LRRC37A2: variants seen among roughly 807,000 people sequenced by gnomAD.
LRRC37A2 encodes leucine-rich repeat-containing protein 37A2.
A neutral mutation model predicts 68.8 loss-of-function variants in LRRC37A2; 9 were observed. That is an observed-to-expected ratio of 0.13 (90% CI 0.08 to 0.23). LRRC37A2 has a LOEUF of 0.23. Among genes scored for constraint, LRRC37A2 ranks in the 10% least tolerant of loss-of-function variants. The pLI, the probability that LRRC37A2 is intolerant of heterozygous loss-of-function variation, is 1.00. For missense variants in LRRC37A2, 168 were observed against 950.4 expected, an observed-to-expected ratio of 0.18 and a Z score of 10.82; for synonymous variants, 63 against 367.6, an observed-to-expected ratio of 0.17 and a Z score of 9.48.
the LRRC37A2 span, among the ~76,000 whole-genome samples, chr17:46,772,967 GC>G: frequency 6.6e-6 from 1 of 151,698 alleles, no homozygotes; most frequent in Non-Finnish European, 1.5e-5. Flanking sequence ...TCCACAAAGA[GC>G]TGCCCATCTT....
At chr17:46,816,516 CCT>C in the LRRC37A2 span, among the ~76,000 whole-genome samples, 1 of 144,904 alleles carries the variant, frequency 6.9e-6, no homozygotes, top group Non-Finnish European at 1.5e-5. Flanking sequence ...CACACACACA[CCT>C]CTCTCCTTGG....
At chr17:46,977,196 C>T in the LRRC37A2 span, among the ~76,000 whole-genome samples, 3 of 152,196 alleles carry the variant, frequency 2.0e-5, no homozygotes, top group Admixed American at 1.3e-4. Context: ...GCCAAATACA[C>T]GGGATCGCAT....
chr17:46,589,047 A>AAAAC, the LRRC37A2 span, among the ~76,000 whole-genome samples: 1 of 92,708 alleles, frequency 1.1e-5, no homozygotes, highest in Non-Finnish European at 1.8e-5. Context: ...CTGCGTCTCA[A>AAAAC]AAACAAACAA....
chr17:46,685,115 C>T, the LRRC37A2 span, among the ~76,000 whole-genome samples: 3 of 135,610 alleles, frequency 2.2e-5, no homozygotes, highest in Non-Finnish European at 4.7e-5. Context: ...TTGGGTCTAA[C>T]GGACCCTAAT....
chr17:46,744,065 C>A, the LRRC37A2 span, among the ~76,000 whole-genome samples: 1 of 152,122 alleles, frequency 6.6e-6, no homozygotes, highest in South Asian at 2.1e-4. Flanking sequence ...TCCTAGATAA[C>A]CCCCCTCCAG....
the LRRC37A2 span, among the ~76,000 whole-genome samples, chr17:46,877,764 C>T: frequency 6.6e-6 from 1 of 152,316 alleles, no homozygotes; most frequent in Non-Finnish European, 1.5e-5. Flanking sequence ...GGCTCACGAG[C>T]TATGACTTGA....
At chr17:46,558,941 G>A (rs1426181480), downstream of LRRC37A2, 4 of 102,956 alleles carry the variant, frequency 3.9e-5, no homozygotes, top group African/African-American at 4.4e-5. Flanking sequence ...GTCTCTCAAC[G>A]TACTGGGATT....
chr17:46,774,295 C>T, the LRRC37A2 span, among the ~76,000 whole-genome samples: 1 of 152,260 alleles, frequency 6.6e-6, no homozygotes. Flanking sequence ...TGGGCAATTT[C>T]CAAGGCAGTC....
the LRRC37A2 span, among the ~76,000 whole-genome samples, chr17:46,860,716 G>C: frequency 1.3e-5 from 2 of 152,184 alleles, no homozygotes; most frequent in Non-Finnish European, 2.9e-5. Context: ...CTTCTTCTCT[G>C]TGCCTGTATC....
At chr17:46,597,663 G>T in the LRRC37A2 span, among the ~76,000 whole-genome samples, 1 of 53,094 alleles carries the variant, frequency 1.9e-5, no homozygotes, top group Admixed American at 2.3e-4. Flanking sequence ...GTTAGCTCTG[G>T]GTTTGTTGTG....
the LRRC37A2 span, among the ~76,000 whole-genome samples, chr17:47,033,746 T>C: frequency 6.4e-4 from 98 of 152,350 alleles, no homozygotes; most frequent in African/African-American, 2.2e-3. Flanking sequence ...AGGCAAGAAA[T>C]GTTCCCTTAT....
the LRRC37A2 span, among the ~76,000 whole-genome samples, chr17:46,901,933 G>C: frequency 6.6e-6 from 1 of 150,962 alleles, no homozygotes. Flanking sequence ...TCAGCCTACC[G>C]AGTAGTTGGG....
At chr17:46,957,301 C>A in the LRRC37A2 span, among the ~76,000 whole-genome samples, 1 of 151,652 alleles carries the variant, frequency 6.6e-6, no homozygotes, top group Non-Finnish European at 1.5e-5. Context: ...TGAGACCCTG[C>A]CTCAAAAAGA....
At chr17:46,939,885 G>A in the LRRC37A2 span, 15 of 992,786 alleles carry the variant, frequency 1.5e-5, no homozygotes, top group Non-Finnish European at 1.3e-5. Context: ...GTGAATCACT[G>A]AAAGTCTCAG....
At chr17:46,923,872 T>A in the LRRC37A2 span, 1 of 398,436 alleles carries the variant, frequency 2.5e-6, no homozygotes, top group Non-Finnish European at 4.4e-6. Flanking sequence ...CGTAGTTGAG[T>A]ATTAATGGGG....
the LRRC37A2 span, among the ~76,000 whole-genome samples, chr17:46,794,752 C>CTTT: frequency 1.5e-5 from 2 of 129,282 alleles, no homozygotes; most frequent in African/African-American, 5.8e-5. Flanking sequence ...CTTTCTTTTT[C>CTTT]TTTTTTTTTT....
chr17:46,953,789 GTGA>G, the LRRC37A2 span, among the ~76,000 whole-genome samples: 1 of 152,214 alleles, frequency 6.6e-6, no homozygotes, highest in Non-Finnish European at 1.5e-5. Context: ...CTGATGGCCA[GTGA>G]TGATGAGCAT....
the LRRC37A2 span, chr17:46,924,414 C>T: frequency 6.6e-6 from 1 of 152,200 alleles, no homozygotes; most frequent in African/African-American, 2.4e-5. Flanking sequence ...AATAATACTG[C>T]TATGAACTCT....
exon 10 of LRRC37A2, chr17:46,548,600 T>G: frequency 6.3e-7 from 1 of 1,591,952 alleles, no homozygotes; most frequent in Non-Finnish European, 8.5e-7. Flanking sequence ...CTGGCAAAGA[T>G]TCAAACTGTA....
Sources: allele counts gnomAD v4.1 joint callset (sites outside exome capture counted in the v4.1 genomes callset), GRCh38; gene constraint gnomAD v4.1.1; transcripts MANE v1.5; gene names NCBI Gene and HGNC (gene_info 2026-07-23, HGNC 2026-07-21).